Variants in FBN3 observed in about 807,000 individuals in gnomAD.
The protein encoded by FBN3 is fibrillin-3.
A neutral mutation model predicts 330.1 loss-of-function variants in FBN3; 234 were observed. The ratio of observed to expected loss-of-function variants is 0.71; its 90% CI spans 0.64 to 0.79. The LOEUF (loss-of-function observed/expected upper bound fraction) is 0.79, where lower values mean the gene tolerates loss of function less well. Ranked by LOEUF, FBN3 falls within the 30% of genes least tolerant of loss-of-function variation. The pLI is 0.00. For missense variants in FBN3, 3,606 were observed against 3,886.9 expected, an observed-to-expected ratio of 0.93 and a Z score of 1.92; for synonymous variants, 1,458 against 1,517.3, an observed-to-expected ratio of 0.96 and a Z score of 0.91.
chr19:8,126,195 A>G, intron 21 of FBN3, 102 bp downstream of exon 21: 1 of 1,449,048 alleles, frequency 6.9e-7, no homozygotes, highest in Non-Finnish European at 9.5e-7. Context: ...CCATCGCAAA[A>G]GACTCCAGGG....
At position 8,096,304 on chromosome 19, in the gene FBN3, T is replaced by C; in HGVS notation, c.5539+140A>G. The C allele has an allele frequency of 1.8e-6, 2 of 1,111,128 alleles. No individual in the cohort carries two copies. Among genetic ancestry groups the C allele is most frequent in the Middle Eastern group, 2.0e-4 (1 of 4,942 alleles). The allele number at this position is 1,111,128 out of a possible 1,614,324, so 68.8% of individuals were successfully genotyped here. On this transcript the variant is annotated intron_variant, in intron 44 of 63. Coordinates refer to ENST00000600128, the MANE Select transcript of FBN3 (RefSeq NM_032447.5). The surrounding 1 kb of genome is among the most constrained non-coding windows in gnomAD (Gnocchi z 4.6). ...AGGCACAGGGAGGCAGATCAACCAT[T>C]TACCCAAGATCTTAATCTCAGGACC...
At position 8,097,176 on chromosome 19, in the gene FBN3, T is replaced by C. The variant is rs2082228860; in HGVS notation, c.5287+113A>G. 8.1e-6 allele frequency: 12 copies of C among 1,483,164 alleles called. No individual in the cohort carries two copies. The Admixed American group carries it at 1.6e-4, about 20-fold the overall frequency. The allele number at this position is 1,483,164 out of a possible 1,614,324, so 91.9% of individuals were successfully genotyped here. A position where few individuals can be genotyped will look rare whatever the true frequency, so the allele number is the denominator to read the frequency against. Reference sequence around the variant, plus strand: ...GGCCCTTGGAAAGGTGTTAGCCCATTATACATACAGGGAAATGGAGGCTTA... The same window carrying C: ...GGCCCTTGGAAAGGTGTTAGCCCATCATACATACAGGGAAATGGAGGCTTA... On this transcript the variant is annotated intron_variant, in intron 42 of 63. Transcript: ENST00000600128.
At position 8,095,489 on chromosome 19, in the gene FBN3, T is replaced by A; in HGVS notation, c.5671A>T (p.Thr1891Ser). 1 of 1,613,592 alleles carries A rather than the reference T, an allele frequency of 6.2e-7. No individual in the cohort carries two copies. The highest frequency in any genetic ancestry group is 8.5e-7 in the Non-Finnish European group (1 of 1,179,688). ...CGGCACACCTGCCCCACCAGGGTAGTACACTCATCAAAATCTGTAGAGGGG... is the reference window on the plus strand; with the variant it reads ...CGGCACACCTGCCCCACCAGGGTAGAACACTCATCAAAATCTGTAGAGGGG... ...NGDCVDFDEC[T>S]TLVGQVCRFG... The change falls in exon 46 of 64, where the codon ACT (threonine) becomes TCT (serine). Residue 1891 changes from threonine (T) to serine (S), a missense_variant. Thr to Ser is a moderately conservative substitution (Grantham distance 58). Transcript: ENST00000600128.
At chr19:8,088,224 C>T (rs371884535) in intron 51 of FBN3, 45 bp from the exon 52 acceptor site, 4 of 1,545,232 alleles carry the variant, frequency 2.6e-6, no homozygotes, top group African/African-American at 1.4e-5. Context: ...GAGGGTCCCC[C>T]ATCCTCAGTA....
In FBN3 at chr19:8,118,772, T is replaced by C. The variant is rs893925722; in HGVS notation, c.3337+125A>G. ...ACACTTGCACGCTCACACATAGGTA[T>C]GGCCTCAGAAAGACAGATACACATG... On this transcript the variant is annotated intron_variant, in intron 26 of 63. Coordinates refer to ENST00000600128, the MANE Select transcript of FBN3 (RefSeq NM_032447.5). The C allele has an allele frequency of 1.2e-5, 15 of 1,205,866 alleles. No individual in the cohort carries two copies. In the African/African-American group the frequency reaches 1.9e-4, roughly 16 times the overall value. The allele number at this position is 1,205,866 out of a possible 1,614,324, so 74.7% of individuals were successfully genotyped here.
At position 8,129,333 on chromosome 19, in the gene FBN3, AAACCTCAGGATCCAGAGC is replaced by A. The variant is rs749174951; in HGVS notation, c.2059_2076del (p.Ala687_Val692del). 2 of 1,614,182 alleles carry A rather than the reference AAACCTCAGGATCCAGAGC, an allele frequency of 1.2e-6. No homozygotes were observed. The highest frequency in any genetic ancestry group is 2.2e-5 in the South Asian group (2 of 91,082). On this transcript the variant is annotated inframe_deletion, in exon 17 of 64. Transcript: ENST00000600128. The surrounding 1 kb of genome is among the most constrained non-coding windows in gnomAD (Gnocchi z 4.5). ...AGGTTCTCGCACACGCCATTGGCAC[AAACCTCAGGATCCAGAGC>A]ACACTCGTTGATGTCTGCGGCAGGA...
At chr19:8,147,538 A>C (rs1599462342) in intron 1 of FBN3, 41 bp from the exon 2 acceptor site, 1 of 1,392,920 alleles carries the variant, frequency 7.2e-7, no homozygotes. Flanking sequence ...TGAGCCCCCC[A>C]CCCTAGCCAT....
At chr19:8,148,390 G>A (rs573884729) in intron 1 of FBN3, among the ~76,000 whole-genome samples, 4 of 152,284 alleles carry the variant, frequency 2.6e-5, no homozygotes, top group East Asian at 3.9e-4. Context: ...GCAGGGAAGG[G>A]ACCGCTTCTG....
chr19:8,065,793 G>A lies in FBN3; in HGVS notation c.*126C>T. The A allele has an allele frequency of 1.2e-6, 1 of 857,304 alleles. No individual in the cohort carries two copies. The highest frequency in any genetic ancestry group is 1.8e-6 in the Non-Finnish European group (1 of 564,134). 53.1% of individuals were successfully genotyped at this position (857,304 alleles called of 1,614,324 possible). Reference sequence around the variant, plus strand: ...GGCCGGGCTTGCCTGAGGTTGTCGTGTAGCATTTCACTCTTCCTGAGTTTC... The same window carrying A: ...GGCCGGGCTTGCCTGAGGTTGTCGTATAGCATTTCACTCTTCCTGAGTTTC... On this transcript the variant is annotated 3_prime_UTR_variant, in exon 64 of 64. Transcript: ENST00000600128.
intron 30 of FBN3, among the ~76,000 whole-genome samples, chr19:8,112,827 A>T (rs1001044155): frequency 6.6e-6 from 1 of 152,056 alleles, no homozygotes; most frequent in Non-Finnish European, 1.5e-5. Flanking sequence ...TTTCTTTCCC[A>T]CACTTCTGTT....
rs1043494784 is a variant in FBN3, at chr19:8,121,515, C to T, written c.3083-129G>A. The T allele has an allele frequency of 1.1e-6, 1 of 921,154 alleles. No homozygotes were observed. The highest frequency in any genetic ancestry group is 1.6e-6 in the Non-Finnish European group (1 of 643,656). 57.1% of individuals were successfully genotyped at this position (921,154 alleles called of 1,614,324 possible). A position where few individuals can be genotyped will look rare whatever the true frequency, so the allele number is the denominator to read the frequency against. Reference sequence around the variant, plus strand: ...GCCCATCTGCAGACATAAGGAGGCACAGGCCAAGAGGGGAGGCATGATGCA... The same window carrying T: ...GCCCATCTGCAGACATAAGGAGGCATAGGCCAAGAGGGGAGGCATGATGCA... On this transcript the variant is annotated intron_variant, in intron 24 of 63. Coordinates refer to ENST00000600128, the MANE Select transcript of FBN3 (RefSeq NM_032447.5). The surrounding 1 kb of genome is among the most constrained non-coding windows in gnomAD (Gnocchi z 4.5).
chr19:8,138,508 G>C lies in FBN3; in HGVS notation c.922C>G (p.Leu308Val), dbSNP rs61729623. ...VLFGGRCAGD[L>V]AGHYTRRQCC... ...TGCCTGCGAGTGTAGTGGCCGGCGA[G>C]GTCTCCAGCACAGCGGCCCCCGAAA... The change falls in exon 9 of 64, where the codon CTC becomes GTC. Residue 308 changes from leucine to valine, a missense_variant. Transcript: ENST00000600128. 14,016 of 1,612,746 alleles carry C rather than the reference G, an allele frequency of 8.7e-3. 85 individuals carry two copies. Among genetic ancestry groups the C allele is most frequent in the Middle Eastern group, 0.023 (142 of 6,052 alleles).
chr19:8,135,936 G>GGGGGGGGGGGGGGGGCCGCGCCCCCC, intron 13 of FBN3, 25 bp downstream of exon 13: 1 of 668,778 alleles, frequency 1.5e-6, no homozygotes, highest in Non-Finnish European at 2.4e-6. Flanking sequence ...GGAAGCCCCT[G>GGGGGGGGGGGGGGGGCCGCGCCCCCC]CCCACCCGCC....
At chr19:8,136,361 C>CA (rs2083281317) in intron 11 of FBN3, 27 bp downstream of exon 11, 1 of 1,609,482 alleles carries the variant, frequency 6.2e-7, no homozygotes, top group Non-Finnish European at 8.5e-7. Context: ...TGAGAACCGC[C>CA]CCCCCTTCCA....
Position 8,096,732 on chromosome 19 carries a change from C to A in FBN3, c.5413+149G>T. ...CATGGACCTGAGCTCTCACCTCTAT[C>A]ACATCCTATTAACAGACACTCTCAA... On this transcript the variant is annotated intron_variant, in intron 43 of 63. Coordinates refer to ENST00000600128, the MANE Select transcript of FBN3 (RefSeq NM_032447.5). This position sits in a 1 kb window ranked among gnomAD's most constrained non-coding sequence, Gnocchi z 4.6. 7.8e-7 allele frequency: 1 copy of A among 1,279,570 alleles called. No homozygotes were observed. The highest frequency in any genetic ancestry group is 1.1e-6 in the Non-Finnish European group (1 of 923,396). 79.3% of individuals were successfully genotyped at this position (1,279,570 alleles called of 1,614,324 possible). A position where few individuals can be genotyped will look rare whatever the true frequency, so the allele number is the denominator to read the frequency against.
Position 8,131,623 on chromosome 19 carries a change from C to G in FBN3, c.1921G>C (p.Glu641Gln). ...RPFPGTVTKS[E>Q]CCCANPDHGF... Reference sequence around the variant, plus strand: ...TGGTCCGGATTGGCACAGCAGCACTCGGACTTGGTGACAGTGCCAGGGAAG... The same window carrying G: ...TGGTCCGGATTGGCACAGCAGCACTGGGACTTGGTGACAGTGCCAGGGAAG... The change falls in exon 15 of 64, where the codon GAG (glutamate) becomes CAG (glutamine). Residue 641 changes from glutamate to glutamine, a missense_variant. Glu to Gln is a conservative substitution (Grantham distance 29). Transcript: ENST00000600128. This position sits in a 1 kb window ranked among gnomAD's most constrained non-coding sequence, Gnocchi z 4.5. 1 of 1,614,166 alleles carries G rather than the reference C, an allele frequency of 6.2e-7. No individual in the cohort carries two copies. Among genetic ancestry groups the G allele is most frequent in the Non-Finnish European group, 8.5e-7 (1 of 1,180,012 alleles).
chr19:8,084,871 AG>A, intron 56 of FBN3, among the ~76,000 whole-genome samples: 1 of 150,850 alleles, frequency 6.6e-6, no homozygotes, highest in South Asian at 2.1e-4. Flanking sequence ...TACAAGTGTG[AG>A]CCACTGTGCC....
chr19:8,136,542 G>A lies in FBN3; in HGVS notation c.1202-11C>T, dbSNP rs1338496746. 1 of 1,613,736 alleles carries A rather than the reference G, an allele frequency of 6.2e-7. No homozygotes were observed. The highest frequency in any genetic ancestry group is 1.7e-5 in the Admixed American group (1 of 60,014). On this transcript the variant is annotated splice_polypyrimidine_tract_variant and intron_variant, in intron 10 of 63. Transcript: ENST00000600128. ...TCAGGGTAGCAGTGCCTACGGGTGG[G>A]GCCGGCAGAGGCATCTGAGCAGTGG...
At position 8,077,986 on chromosome 19, in the gene FBN3, A is replaced by G. The variant is rs538980457; in HGVS notation, c.7454-2575T>C. 1.1e-3 allele frequency among the ~76,000 whole-genome samples: 170 copies of G among 151,906 alleles called. 1 individual carries two copies. Among genetic ancestry groups the G allele is most frequent in the African/African-American group, 3.8e-3 (159 of 41,392 alleles). On this transcript the variant is annotated intron_variant, in intron 59 of 63. Transcript: ENST00000600128. Reference sequence around the variant, plus strand: ...TAGCTACTTGGGAAGCTGAGGCAGGAGGATCGCTTGAACCTGGGAGGTGAG... The same window carrying G: ...TAGCTACTTGGGAAGCTGAGGCAGGGGGATCGCTTGAACCTGGGAGGTGAG...
Sources: allele counts gnomAD v4.1 joint callset (sites outside exome capture counted in the v4.1 genomes callset), GRCh38; gene constraint gnomAD v4.1.1; non-coding constraint Gnocchi (gnomAD v3.1); transcripts MANE v1.5; gene names NCBI Gene and HGNC (gene_info 2026-07-23, HGNC 2026-07-21).